CUX1: variants seen among roughly 807,000 people sequenced by gnomAD.
CUX1 encodes the protein cut like homeobox 1.
In CUX1, 31 loss-of-function variants were observed where a neutral mutation model predicts 158.8. The ratio of observed to expected loss-of-function variants is 0.20; its 90% CI spans 0.15 to 0.26. CUX1 has a LOEUF of 0.26. CUX1 is among the 10% of genes least tolerant of loss of function. The pLI is 1.00. For missense variants in CUX1, 1,589 were observed against 2,014.6 expected (o/e 0.79, Z 4.04); for synonymous variants, 879 against 862.1 (o/e 1.02, Z -0.34).
intron 8 of CUX1, among the ~76,000 whole-genome samples, chr7:102,131,860 T>C (rs1270477864): frequency 6.6e-6 from 1 of 151,776 alleles, no homozygotes; most frequent in African/African-American, 2.4e-5. Context: ...TTAGTAAAGA[T>C]GGGGTTTCAC....
chr7:102,157,880 TC>T (rs1385241894), intron 8 of CUX1, among the ~76,000 whole-genome samples: 2 of 152,180 alleles, frequency 1.3e-5, no homozygotes, highest in African/African-American at 4.8e-5. Context: ...GGAAGTACTT[TC>T]AAAACAGAAA....
At chr7:101,833,030 A>T (rs1423198883) in intron 1 of CUX1, among the ~76,000 whole-genome samples, 1 of 152,100 alleles carries the variant, frequency 6.6e-6, no homozygotes, top group Non-Finnish European at 1.5e-5. Context: ...CCCTGAGAGC[A>T]TTCTTCTCTG....
intron 3 of CUX1, among the ~76,000 whole-genome samples, chr7:102,064,512 G>A (rs1825317722): frequency 1.3e-5 from 2 of 151,884 alleles, no homozygotes; most frequent in Non-Finnish European, 2.9e-5. Context: ...AGAGGGAGCT[G>A]TGTTACCAAG....
intron 2 of CUX1, among the ~76,000 whole-genome samples, chr7:102,007,333 GC>G (rs1817506434): frequency 6.6e-6 from 1 of 152,070 alleles, no homozygotes; most frequent in African/African-American, 2.4e-5. Flanking sequence ...ACAGGTCTCA[GC>G]CTTTTGCCCC....
intron 2 of CUX1, among the ~76,000 whole-genome samples, chr7:101,976,033 G>A (rs1812622071): frequency 6.6e-6 from 1 of 152,176 alleles, no homozygotes; most frequent in South Asian, 2.1e-4. Flanking sequence ...TTGGGAGGCT[G>A]AGGCAGGGAG....
chr7:102,239,611 C>T (rs781950184), intron 23 of CUX1, 27 bp downstream of exon 23: 3 of 1,599,554 alleles, frequency 1.9e-6, no homozygotes, highest in Non-Finnish European at 2.6e-6. Flanking sequence ...ACAGGGAGCG[C>T]CGGTCGGCCC....
At chr7:101,980,084 C>CCCAG (rs1248392586) in intron 2 of CUX1, among the ~76,000 whole-genome samples, 5 of 152,200 alleles carry the variant, frequency 3.3e-5, no homozygotes, top group African/African-American at 1.2e-4. Context: ...TGGAAGGGCT[C>CCCAG]CCAGCCAGCA....
Position 102,034,145 on chromosome 7 carries a change from C to CAAAAAAAAAA in CUX1, c.189+6013_189+6022dup, listed in dbSNP as rs10655613. 1.5e-3 allele frequency among the ~76,000 whole-genome samples: 75 copies of CAAAAAAAAAA among 48,600 alleles called. 13 individuals are homozygous for CAAAAAAAAAA. Among genetic ancestry groups the CAAAAAAAAAA allele is most frequent in the Admixed American group, 2.6e-3 (7 of 2,678 alleles). The allele number at this position is 48,600 out of a possible 152,430, so 31.9% of individuals were successfully genotyped here. ...CAGGTGACAGAGCGAGACTCCATCT[C>CAAAAAAAAAA]AAAAAAAAAAAAAAAAAAAAAAGTC... On this transcript the variant is annotated intron_variant, in intron 3 of 23. Coordinates refer to ENST00000292535, the MANE Select transcript of CUX1 (RefSeq NM_181552.4).
chr7:102,231,718 T>C (rs1317110362), intron 21 of CUX1, among the ~76,000 whole-genome samples: 1 of 150,092 alleles, frequency 6.7e-6, no homozygotes, highest in Non-Finnish European at 1.5e-5. Context: ...TTTTCTCTTT[T>C]TTTTTTTTTT....
intron 2 of CUX1, among the ~76,000 whole-genome samples, chr7:101,965,873 A>C (rs1811136747): frequency 6.7e-6 from 1 of 150,106 alleles, no homozygotes; most frequent in Non-Finnish European, 1.5e-5. Flanking sequence ...AAAAAAAAAA[A>C]AGATGACTTG....
intron 2 of CUX1, chr7:101,961,105 A>G (rs562974989): frequency 6.6e-6 from 1 of 152,284 alleles, no homozygotes; most frequent in South Asian, 2.1e-4. Context: ...GTAAGATACT[A>G]GTGGAGTCTC....
Position 102,253,258 on chromosome 7 carries a change from A to G in CUX1, c.*4216A>G, listed in dbSNP as rs1801712408. 1 of 985,594 alleles carries G rather than the reference A, an allele frequency of 1.0e-6. No homozygotes were observed. The highest frequency in any genetic ancestry group is 1.2e-6 in the Non-Finnish European group (1 of 830,042). 61.1% of individuals were successfully genotyped at this position (985,594 alleles called of 1,614,324 possible). ...TCCTTTCTGGCCACCGCCCAAGCCC[A>G]GGTGGCCAGCTCTCATACCCCATCT... is the stretch of plus-strand genomic sequence containing the variant. On this transcript the variant is annotated 3_prime_UTR_variant, in exon 24 of 24. Coordinates refer to ENST00000292535, the MANE Select transcript of CUX1 (RefSeq NM_181552.4).
At chr7:101,877,817 A>G (rs995491962) in intron 1 of CUX1, among the ~76,000 whole-genome samples, 46 of 150,182 alleles carry the variant, frequency 3.1e-4, no homozygotes, top group Admixed American at 1.1e-3. Flanking sequence ...TTAAAGCGAC[A>G]CCATTGTTCA....
At chr7:101,862,942 C>T (rs1256580838) in intron 1 of CUX1, among the ~76,000 whole-genome samples, 6 of 151,626 alleles carry the variant, frequency 4.0e-5, no homozygotes, top group African/African-American at 4.9e-5. Flanking sequence ...AATATATACC[C>T]AAACAGAAGA....
At position 101,916,057 on chromosome 7, in the gene CUX1, C is replaced by A; in HGVS notation, c.31-58C>A. The A allele has an allele frequency of 8.2e-7, 1 of 1,226,950 alleles. No individual in the cohort carries two copies. Among genetic ancestry groups the A allele is most frequent in the South Asian group, 1.2e-5 (1 of 82,890 alleles). The allele number at this position is 1,226,950 out of a possible 1,614,324, so 76.0% of individuals were successfully genotyped here. ...GTTCTGGTCAAATGCAAATAGGACC[C>A]TCCTCTAGTACACAGTGCAATTACA... On this transcript the variant is annotated intron_variant, in intron 1 of 23. Transcript: ENST00000292535. The surrounding 1 kb of genome is among the most constrained non-coding windows in gnomAD (Gnocchi z 4.4).
At chr7:102,112,676 T>C (rs1263313664) in intron 7 of CUX1, among the ~76,000 whole-genome samples, 1 of 151,696 alleles carries the variant, frequency 6.6e-6, no homozygotes, top group Non-Finnish European at 1.5e-5. Flanking sequence ...GCTCAAGCAA[T>C]CCTCCCACCT....
rs1423209748 is a variant in CUX1 at position 102,253,604 on chromosome 7, C to T, written c.*4562C>T. 7 of 985,316 alleles carry T rather than the reference C, an allele frequency of 7.1e-6. No homozygotes were observed. The East Asian group carries it at 4.5e-4, about 64-fold the overall frequency. The allele number at this position is 985,316 out of a possible 1,614,324, so 61.0% of individuals were successfully genotyped here. ...CAAATCTTACTGAAAAATAGCAGAG[C>T]CAGGGGAACAGACGCATGTCCTTCT... On this transcript the variant is annotated 3_prime_UTR_variant, in exon 24 of 24. Coordinates refer to ENST00000292535, the MANE Select transcript of CUX1 (RefSeq NM_181552.4).
intron 7 of CUX1, 121 bp downstream of exon 7, chr7:102,111,895 C>G: frequency 1.3e-6 from 1 of 792,356 alleles, no homozygotes; most frequent in East Asian, 2.7e-5. Context: ...GTGGGAGCTG[C>G]CGGGAGCCCA....
chr7:102,144,773 A>G (rs868975024), intron 8 of CUX1, among the ~76,000 whole-genome samples: 2 of 151,890 alleles, frequency 1.3e-5, no homozygotes, highest in Non-Finnish European at 2.9e-5. Flanking sequence ...CAAACTTCAT[A>G]ATGGTTTTAT....
Sources: allele counts gnomAD v4.1 joint callset (sites outside exome capture counted in the v4.1 genomes callset), GRCh38; gene constraint gnomAD v4.1.1; non-coding constraint Gnocchi (gnomAD v3.1); transcripts MANE v1.5; gene names NCBI Gene and HGNC (gene_info 2026-07-23, HGNC 2026-07-21).